The following UGP2 variants were observed in gnomAD, a reference collection of about 807,000 sequenced individuals.
The protein encoded by UGP2 is UDP-glucose pyrophosphorylase 2, also known as UTP--glucose-1-phosphate uridylyltransferase.
In UGP2, 40 loss-of-function variants were observed where a neutral mutation model predicts 49.0. The observed-to-expected ratio is 0.82, with a 90% CI of 0.63 to 1.06. UGP2 has a LOEUF of 1.06. UGP2 is among the 50% of genes least tolerant of loss of function. UGP2 has a pLI of 0.00. For missense variants in UGP2, 460 were observed against 603.5 expected, an observed-to-expected ratio of 0.76 and a Z score of 2.49; for synonymous variants, 225 against 213.0, an observed-to-expected ratio of 1.06 and a Z score of -0.49.
intron 1 of UGP2, among the ~76,000 whole-genome samples, chr2:63,850,401 A>G (rs926997266): frequency 5.3e-5 from 8 of 152,214 alleles, no homozygotes; most frequent in African/African-American, 9.6e-5. Context: ...TTGACAGTCT[A>G]ATAACTTTAG....
At chr2:63,842,595 G>C in intron 1 of UGP2, 1 of 1,473,736 alleles carries the variant, frequency 6.8e-7, no homozygotes, top group Non-Finnish European at 9.0e-7. Flanking sequence ...ACTGAGAAAA[G>C]CCGGGTGGGT....
intron 2 of UGP2, chr2:63,856,739 G>C (rs558079866): frequency 2.1e-6 from 1 of 480,208 alleles, no homozygotes; most frequent in Non-Finnish European, 4.1e-6. Context: ...CCTGTGTTCA[G>C]TTGTAATTGA....
At chr2:63,842,324 C>A (rs1214118443) in intron 1 of UGP2, 120 bp downstream of exon 1, 1 of 1,606,164 alleles carries the variant, frequency 6.2e-7, no homozygotes, top group Admixed American at 1.7e-5. Flanking sequence ...TTTGCGAAAC[C>A]CTTTTCGTTG....
At chr2:63,867,800 A>G (rs1670279390) in intron 3 of UGP2, among the ~76,000 whole-genome samples, 1 of 152,214 alleles carries the variant, frequency 6.6e-6, no homozygotes, top group South Asian at 2.1e-4. Flanking sequence ...ACATTCTTAT[A>G]ATTTTCTTTA....
chr2:63,889,733 C>T (rs1004245781), intron 8 of UGP2: 4 of 182,950 alleles, frequency 2.2e-5, no homozygotes, highest in African/African-American at 9.6e-5. Context: ...CCAGTCTAGC[C>T]TGCTTCAAAG....
intron 5 of UGP2, among the ~76,000 whole-genome samples, 194 bp from the exon 6 acceptor site, chr2:63,885,395 C>T (rs1671606798): frequency 6.6e-6 from 1 of 152,076 alleles, no homozygotes; most frequent in Non-Finnish European, 1.5e-5. Context: ...GCAGCTATCA[C>T]CATCTGGAAA....
intron 3 of UGP2, among the ~76,000 whole-genome samples, chr2:63,874,670 G>A (rs1670787902): frequency 6.6e-6 from 1 of 152,124 alleles, no homozygotes; most frequent in Non-Finnish European, 1.5e-5. Flanking sequence ...AGCAGAGTGG[G>A]AGGTGTTTGG....
intron 3 of UGP2, among the ~76,000 whole-genome samples, chr2:63,858,405 G>C (rs1669598045): frequency 6.6e-6 from 1 of 151,762 alleles, no homozygotes; most frequent in Non-Finnish European, 1.5e-5. Flanking sequence ...AATCTCTCTT[G>C]TTTTTTCCTA....
chr2:63,849,214 C>T (rs1668880119), intron 1 of UGP2, among the ~76,000 whole-genome samples: 1 of 152,184 alleles, frequency 6.6e-6, no homozygotes, highest in East Asian at 1.9e-4. Flanking sequence ...GCTTAGTCTC[C>T]TTTTTACTTG....
At chr2:63,858,372 A>C (rs929737689) in intron 3 of UGP2, among the ~76,000 whole-genome samples, 3 of 152,154 alleles carry the variant, frequency 2.0e-5, no homozygotes, top group African/African-American at 7.2e-5. Flanking sequence ...TTTATATACT[A>C]TTTATCATAG....
intron 3 of UGP2, among the ~76,000 whole-genome samples, chr2:63,865,843 A>G (rs886624522): frequency 8.5e-5 from 13 of 152,106 alleles, no homozygotes; most frequent in Non-Finnish European, 1.9e-4. Context: ...CCTTGGGTCT[A>G]CTTTTTATTA....
At chr2:63,868,547 TG>T (rs1370884454) in intron 3 of UGP2, among the ~76,000 whole-genome samples, 1 of 152,198 alleles carries the variant, frequency 6.6e-6, no homozygotes, top group African/African-American at 2.4e-5. Flanking sequence ...ATTAAAACCG[TG>T]TAATGAATAT....
At chr2:63,873,127 G>T (rs1558951690) in intron 3 of UGP2, among the ~76,000 whole-genome samples, 1 of 152,236 alleles carries the variant, frequency 6.6e-6, no homozygotes, top group Non-Finnish European at 1.5e-5. Context: ...GAATTCTGGT[G>T]TTTGTAGCAC....
At chr2:63,854,651 A>C (rs1038675967) in intron 1 of UGP2, among the ~76,000 whole-genome samples, 1 of 152,178 alleles carries the variant, frequency 6.6e-6, no homozygotes, top group Non-Finnish European at 1.5e-5. Context: ...AATATTTTTT[A>C]TTCGTTACAA....
At chr2:63,853,684 T>G (rs186543652) in intron 1 of UGP2, among the ~76,000 whole-genome samples, 144 of 151,522 alleles carry the variant, frequency 9.5e-4, no homozygotes, top group African/African-American at 3.5e-3. Context: ...GGGAAGGGTA[T>G]TATGTATCCC....
At chr2:63,841,819 T>G (rs2104217560), upstream of UGP2, 1 of 194,810 alleles carries the variant, frequency 5.1e-6, no homozygotes, top group South Asian at 1.0e-4. Context: ...CGTGGGGACT[T>G]GGGGGCGGTG....
chr2:63,872,110 C>T (rs73937432), intron 3 of UGP2, among the ~76,000 whole-genome samples: 4,773 of 152,238 alleles, frequency 0.031, 254 homozygotes, highest in African/African-American at 0.11. Flanking sequence ...GTTTGTTGAC[C>T]TCTGTCTTAA....
At chr2:63,858,022 TA>T (rs2104283510) in intron 3 of UGP2, 86 bp downstream of exon 3, 1 of 1,206,952 alleles carries the variant, frequency 8.3e-7, no homozygotes, top group East Asian at 2.4e-5. Flanking sequence ...GTAGGGGACC[TA>T]TAACAATCAT....
chr2:63,866,669 C>A (rs1348221375), intron 3 of UGP2, among the ~76,000 whole-genome samples: 1 of 152,092 alleles, frequency 6.6e-6, no homozygotes, highest in Non-Finnish European at 1.5e-5. Context: ...GCTCTAAGAA[C>A]TATAATTTTT....
Sources: gnomAD v4.1 joint callset for allele counts (sites outside exome capture counted in the v4.1 genomes callset) on GRCh38, gnomAD v4.1.1 for gene constraint, MANE v1.5 for transcripts, NCBI Gene and HGNC (gene_info 2026-07-23, HGNC 2026-07-21) for gene names.